Variants in CRTAC1 observed in about 807,000 individuals in gnomAD.
The protein encoded by CRTAC1 is cartilage acidic protein 1.
In CRTAC1, 37 loss-of-function variants were observed where a neutral mutation model predicts 67.8. The observed-to-expected ratio is 0.55, with a 90% confidence interval of 0.42 to 0.72. The LOEUF is 0.72. Ranked by LOEUF, CRTAC1 falls within the 30% of genes least tolerant of loss-of-function variation. CRTAC1 has a pLI of 0.00. For synonymous variants in CRTAC1, 348 were observed against 371.0 expected (o/e 0.94, Z 0.71); for missense variants, 780 against 931.6 (o/e 0.84, Z 2.12).
chr10:97,899,517 C>A (rs919702701), intron 8 of CRTAC1, among the ~76,000 whole-genome samples: 1 of 152,182 alleles, frequency 6.6e-6, no homozygotes, highest in Non-Finnish European at 1.5e-5. Flanking sequence ...CCTCGTCCTC[C>A]TGGCGAGTGA....
chr10:97,992,771 T>C (rs543742422), intron 2 of CRTAC1, among the ~76,000 whole-genome samples: 1 of 152,276 alleles, frequency 6.6e-6, no homozygotes, highest in South Asian at 2.1e-4. Flanking sequence ...AGTGGAATGA[T>C]AGTTATCAGG....
intron 2 of CRTAC1, among the ~76,000 whole-genome samples, chr10:97,999,107 C>T (rs931224963): frequency 1.3e-5 from 2 of 152,242 alleles, no homozygotes; most frequent in East Asian, 1.9e-4. Flanking sequence ...GCCCAGGCCT[C>T]CCACTCCACG....
intron 2 of CRTAC1, among the ~76,000 whole-genome samples, chr10:97,984,171 C>T (rs565113261): frequency 3.9e-5 from 6 of 152,184 alleles, no homozygotes; most frequent in African/African-American, 1.2e-4. Context: ...GGGTCTCAGA[C>T]TGCATGTAGA....
At chr10:98,005,098 A>ATTTTTT (rs1347220699) in intron 2 of CRTAC1, among the ~76,000 whole-genome samples, 18 of 38,206 alleles carry the variant, frequency 4.7e-4, no homozygotes, top group African/African-American at 1.6e-3. Flanking sequence ...ATATATATAT[A>ATTTTTT]TATTTTTTTT....
At chr10:97,920,865 C>T (rs917851326) in intron 4 of CRTAC1, among the ~76,000 whole-genome samples, 1 of 152,182 alleles carries the variant, frequency 6.6e-6, no homozygotes, top group Non-Finnish European at 1.5e-5. Context: ...GAGGCATAAT[C>T]ATTATTGATC....
chr10:97,913,741 GC>G (rs2050721872), intron 5 of CRTAC1, among the ~76,000 whole-genome samples: 1 of 152,110 alleles, frequency 6.6e-6, no homozygotes, highest in Non-Finnish European at 1.5e-5. Context: ...TGTCACTCCA[GC>G]CCTGCCTGGT....
intron 1 of CRTAC1, among the ~76,000 whole-genome samples, chr10:98,025,307 TC>T (rs1309407992): frequency 1.3e-5 from 2 of 152,306 alleles, no homozygotes; most frequent in South Asian, 4.1e-4. Flanking sequence ...TTCAGCAGCA[TC>T]CCTGGCCTCT....
At chr10:97,988,337 T>C (rs996371125) in intron 2 of CRTAC1, among the ~76,000 whole-genome samples, 3 of 152,158 alleles carry the variant, frequency 2.0e-5, no homozygotes, top group African/African-American at 7.2e-5. Context: ...TCATTAAAGA[T>C]GAAGATTAAC....
chr10:97,979,516 T>C (rs1411868275), intron 2 of CRTAC1, among the ~76,000 whole-genome samples: 1 of 152,234 alleles, frequency 6.6e-6, no homozygotes, highest in Non-Finnish European at 1.5e-5. Context: ...ATTTTGCTTT[T>C]CTTCTTTCGG....
intron 11 of CRTAC1, among the ~76,000 whole-genome samples, chr10:97,889,115 T>C (rs913637075): frequency 8.6e-4 from 4 of 4,654 alleles, no homozygotes; most frequent in Admixed American, 2.9e-3. Flanking sequence ...CCAGGGGCAG[T>C]GGAGGCGGGA....
intron 3 of CRTAC1, among the ~76,000 whole-genome samples, chr10:97,934,161 C>T (rs2136611061): frequency 6.6e-6 from 1 of 152,320 alleles, no homozygotes; most frequent in East Asian, 1.9e-4. Context: ...GCTCCAGCTT[C>T]CAGGAGACTT....
chr10:98,012,778 G>A (rs1032912064), intron 1 of CRTAC1, among the ~76,000 whole-genome samples: 1 of 152,194 alleles, frequency 6.6e-6, no homozygotes, highest in Non-Finnish European at 1.5e-5. Flanking sequence ...ACAGGGGCAA[G>A]GCTCCAATTG....
At chr10:97,894,194 C>T (rs929322098) in intron 11 of CRTAC1, among the ~76,000 whole-genome samples, 1 of 152,144 alleles carries the variant, frequency 6.6e-6, no homozygotes, top group African/African-American at 2.4e-5. Context: ...AACGATTTTC[C>T]AGTGTAGCTG....
At chr10:97,923,208 C>T in intron 4 of CRTAC1, 56 bp downstream of exon 4, 10 of 1,607,290 alleles carry the variant, frequency 6.2e-6, no homozygotes, top group Non-Finnish European at 8.5e-7. Flanking sequence ...CACAGTGGCT[C>T]CTCTCCTGGC....
intron 1 of CRTAC1, among the ~76,000 whole-genome samples, chr10:98,012,900 G>A (rs1464857969): frequency 6.6e-6 from 1 of 152,224 alleles, no homozygotes; most frequent in Non-Finnish European, 1.5e-5. Context: ...GAATGAGACA[G>A]CATCTTCTAC....
intron 11 of CRTAC1, 87 bp from the exon 12 acceptor site, chr10:97,884,438 G>T: frequency 1.6e-6 from 2 of 1,246,294 alleles, no homozygotes; most frequent in South Asian, 1.4e-5. Context: ...TTCATCCATT[G>T]AATAAAAGCA....
intron 2 of CRTAC1, among the ~76,000 whole-genome samples, chr10:97,964,273 G>C (rs1373001855): frequency 6.6e-6 from 1 of 152,278 alleles, no homozygotes; most frequent in South Asian, 2.1e-4. Context: ...ATCACATGGT[G>C]GGGGGAAGCA....
chr10:97,937,512 G>A (rs1479173184), intron 2 of CRTAC1, among the ~76,000 whole-genome samples: 1 of 152,190 alleles, frequency 6.6e-6, no homozygotes, highest in Non-Finnish European at 1.5e-5. Context: ...GCCTCATGAA[G>A]GCAGAACTTC....
chr10:97,968,974 A>T (rs1010643423), intron 2 of CRTAC1, among the ~76,000 whole-genome samples: 2 of 152,210 alleles, frequency 1.3e-5, no homozygotes, highest in Admixed American at 6.5e-5. Flanking sequence ...GGAATTTCTC[A>T]GTCACATTTG....
Sources: gnomAD v4.1 joint callset for allele counts (sites outside exome capture counted in the v4.1 genomes callset) on GRCh38, gnomAD v4.1.1 for gene constraint, MANE v1.5 for transcripts, NCBI Gene and HGNC (gene_info 2026-07-23, HGNC 2026-07-21) for gene names.